SGMS1: variants seen among roughly 807,000 people sequenced by gnomAD.
SGMS1 encodes the protein phosphatidylcholine:ceramide cholinephosphotransferase 1.
In SGMS1, 13 loss-of-function variants were observed where a neutral mutation model predicts 46.2. The ratio of observed to expected loss-of-function variants is 0.28; its 90% confidence interval spans 0.18 to 0.45. SGMS1 has a LOEUF of 0.45. Ranked by LOEUF, SGMS1 falls within the 20% of genes least tolerant of loss-of-function variation. SGMS1 has a pLI of 1.00. For missense variants in SGMS1, 324 were observed against 519.9 expected (o/e 0.62, Z 3.66); for synonymous variants, 203 against 187.8 (o/e 1.08, Z -0.66).
At chr10:50,415,668 T>A (rs1789604317) in intron 6 of SGMS1, among the ~76,000 whole-genome samples, 1 of 152,180 alleles carries the variant, frequency 6.6e-6, no homozygotes, top group South Asian at 2.1e-4. Context: ...TCTTGTATGA[T>A]GATATGCCCA....
chr10:50,524,893 A>G (rs1369528491), intron 2 of SGMS1, among the ~76,000 whole-genome samples: 1 of 152,220 alleles, frequency 6.6e-6, no homozygotes, highest in Non-Finnish European at 1.5e-5. Flanking sequence ...ACTCATCAGA[A>G]TCCTTCAGAA....
At chr10:50,456,984 C>T (rs1837199443) in intron 5 of SGMS1, among the ~76,000 whole-genome samples, 2 of 152,166 alleles carry the variant, frequency 1.3e-5, no homozygotes, top group African/African-American at 4.8e-5. Flanking sequence ...ACTGGATTTT[C>T]TCATCATATC....
chr10:50,405,131 C>T (rs1848994996), intron 6 of SGMS1, among the ~76,000 whole-genome samples: 1 of 151,908 alleles, frequency 6.6e-6, no homozygotes, highest in African/African-American at 2.4e-5. Flanking sequence ...TATTTGATAT[C>T]ATTTGTATAC....
At chr10:50,538,710 A>G (rs550193596) in intron 2 of SGMS1, among the ~76,000 whole-genome samples, 68 of 152,282 alleles carry the variant, frequency 4.5e-4, no homozygotes, top group African/African-American at 1.3e-3. Context: ...GTGTCTACTT[A>G]GTGGGATGGA....
intron 2 of SGMS1, among the ~76,000 whole-genome samples, chr10:50,521,001 C>G (rs1160933802): frequency 6.6e-6 from 1 of 151,848 alleles, no homozygotes. Context: ...ACCTCAGCCT[C>G]CCAAACAGCT....
At chr10:50,498,178 G>A (rs1364695274) in intron 3 of SGMS1, among the ~76,000 whole-genome samples, 2 of 152,208 alleles carry the variant, frequency 1.3e-5, no homozygotes, top group African/African-American at 4.8e-5. Flanking sequence ...CAGCAATGCT[G>A]TTTGGGGGAG....
chr10:50,501,013 G>T (rs1333069731), intron 3 of SGMS1, among the ~76,000 whole-genome samples: 1 of 152,176 alleles, frequency 6.6e-6, no homozygotes, highest in Non-Finnish European at 1.5e-5. Flanking sequence ...CCAATGCTGG[G>T]AAGACACAGG....
intron 6 of SGMS1, among the ~76,000 whole-genome samples, chr10:50,349,432 C>A (rs1365922251): frequency 6.6e-6 from 1 of 152,188 alleles, no homozygotes; most frequent in Non-Finnish European, 1.5e-5. Flanking sequence ...AGGGAGCCTG[C>A]GTTTGAGAGT....
At chr10:50,386,768 C>T (rs1463076932) in intron 6 of SGMS1, among the ~76,000 whole-genome samples, 1 of 152,164 alleles carries the variant, frequency 6.6e-6, no homozygotes, top group Non-Finnish European at 1.5e-5. Flanking sequence ...CCCTGCCCCA[C>T]CTGTGAGATG....
chr10:50,311,526 A>C, intron 8 of SGMS1, 111 bp from the exon 9 acceptor site: 7 of 889,976 alleles, frequency 7.9e-6, no homozygotes, highest in Non-Finnish European at 1.0e-5. Context: ...GAAACATAAA[A>C]TCCCCACCAG....
chr10:50,412,319 G>A (rs1231930014), intron 6 of SGMS1, among the ~76,000 whole-genome samples: 2 of 152,168 alleles, frequency 1.3e-5, no homozygotes, highest in African/African-American at 4.8e-5. Flanking sequence ...CCTAAGCCAT[G>A]GAACTTTTCA....
At chr10:50,379,807 C>T (rs934195267) in intron 6 of SGMS1, among the ~76,000 whole-genome samples, 1 of 152,160 alleles carries the variant, frequency 6.6e-6, no homozygotes. Context: ...TCTACTCCCA[C>T]CCCTCTTTGG....
intron 3 of SGMS1, among the ~76,000 whole-genome samples, chr10:50,498,059 C>G (rs950206952): frequency 2.6e-5 from 4 of 152,032 alleles, no homozygotes; most frequent in Non-Finnish European, 4.4e-5. Flanking sequence ...TAAGAAAAGC[C>G]CACTCATTTT....
chr10:50,405,141 C>T (rs950362817), intron 6 of SGMS1, among the ~76,000 whole-genome samples: 1 of 151,956 alleles, frequency 6.6e-6, no homozygotes, highest in African/African-American at 2.4e-5. Context: ...CATTTGTATA[C>T]TAACGATGTA....
chr10:50,323,121 T>C (rs1847476029), intron 8 of SGMS1, among the ~76,000 whole-genome samples: 1 of 152,220 alleles, frequency 6.6e-6, no homozygotes, highest in Non-Finnish European at 1.5e-5. Context: ...AGCCTGATCA[T>C]CTCATAGGAT....
At chr10:50,612,186 C>A (rs964588464) in intron 1 of SGMS1, among the ~76,000 whole-genome samples, 1 of 152,244 alleles carries the variant, frequency 6.6e-6, no homozygotes, top group Non-Finnish European at 1.5e-5. Flanking sequence ...CATCTTCCAC[C>A]TGCCAAGCTT....
chr10:50,368,795 A>G (rs1564891456), intron 6 of SGMS1, among the ~76,000 whole-genome samples: 1 of 152,240 alleles, frequency 6.6e-6, no homozygotes, highest in African/African-American at 2.4e-5. Flanking sequence ...AAATTAGTTA[A>G]CCAAAGGCAT....
intron 3 of SGMS1, chr10:50,473,808 C>T (rs535479719): frequency 6.6e-6 from 1 of 152,360 alleles, no homozygotes; most frequent in African/African-American, 2.4e-5. Context: ...TCACCTGACA[C>T]AACTCCACAA....
intron 8 of SGMS1, among the ~76,000 whole-genome samples, chr10:50,313,409 T>G (rs1847290124): frequency 6.6e-6 from 1 of 152,158 alleles, no homozygotes; most frequent in African/African-American, 2.4e-5. Flanking sequence ...GACAAAGAGT[T>G]AAATACCACA....
Sources: gnomAD v4.1 joint callset for allele counts (sites outside exome capture counted in the v4.1 genomes callset) on GRCh38, gnomAD v4.1.1 for gene constraint, MANE v1.5 for transcripts, NCBI Gene and HGNC (gene_info 2026-07-23, HGNC 2026-07-21) for gene names.